The following CHN2 variants were observed in gnomAD, a reference collection of about 807,000 sequenced individuals.
CHN2 encodes chimerin 2.
CHN2 carries 35 observed loss-of-function variants against 56.3 expected under a neutral mutation model. The observed-to-expected ratio is 0.62, with a 90% CI of 0.47 to 0.82. CHN2 has a LOEUF of 0.82. CHN2 is among the 40% of genes least tolerant of loss of function. CHN2 has a pLI of 0.00. For missense variants in CHN2, 491 were observed against 580.5 expected (o/e 0.85, Z 1.58); for synonymous variants, 210 against 212.8 (o/e 0.99, Z 0.12).
At chr7:29,253,276 G>T (rs1156764980) in intron 1 of CHN2, among the ~76,000 whole-genome samples, 1 of 152,210 alleles carries the variant, frequency 6.6e-6, no homozygotes, top group Admixed American at 6.5e-5. Context: ...ATTCATCCAT[G>T]CTGCCTGAAG....
intron 1 of CHN2, among the ~76,000 whole-genome samples, chr7:29,241,474 ACAGG>A (rs1389763847): frequency 2.0e-5 from 3 of 151,720 alleles, no homozygotes; most frequent in Admixed American, 2.0e-4. Context: ...CTCCCAGTGC[ACAGG>A]CTGGTTAGAG....
intron 1 of CHN2, among the ~76,000 whole-genome samples, chr7:29,350,563 T>C (rs753253823): frequency 6.6e-6 from 1 of 152,116 alleles, no homozygotes; most frequent in Non-Finnish European, 1.5e-5. Context: ...AATTCTTTTA[T>C]GGGAAAGAAA....
chr7:29,363,755 C>G (rs1798920730), intron 2 of CHN2, among the ~76,000 whole-genome samples: 1 of 152,110 alleles, frequency 6.6e-6, no homozygotes. Flanking sequence ...GAAGGCCTCC[C>G]TGATAAGGTG....
At chr7:29,272,269 A>G (rs1194942120) in intron 1 of CHN2, among the ~76,000 whole-genome samples, 1 of 152,126 alleles carries the variant, frequency 6.6e-6, no homozygotes, top group East Asian at 1.9e-4. Flanking sequence ...CAGTCAGCCT[A>G]CAGAAGTGCA....
At chr7:29,351,129 A>T (rs1797850903) in intron 1 of CHN2, among the ~76,000 whole-genome samples, 1 of 151,558 alleles carries the variant, frequency 6.6e-6, no homozygotes, top group Admixed American at 6.6e-5. Context: ...AAAAAAAAAA[A>T]ATTCCCACAG....
intron 1 of CHN2, among the ~76,000 whole-genome samples, chr7:29,256,896 A>T (rs1420292464): frequency 6.6e-6 from 1 of 152,182 alleles, no homozygotes; most frequent in African/African-American, 2.4e-5. Context: ...CTGGCTGAAA[A>T]TTCCTTTTGT....
chr7:29,208,846 C>G (rs1334874857), intron 1 of CHN2: 1 of 152,314 alleles, frequency 6.6e-6, no homozygotes, highest in Non-Finnish European at 1.5e-5. Flanking sequence ...CTGGCTCTGT[C>G]TCCTTCTCTT....
intron 1 of CHN2, among the ~76,000 whole-genome samples, chr7:29,283,545 G>T (rs1008807825): frequency 6.6e-6 from 1 of 152,088 alleles, no homozygotes; most frequent in Non-Finnish European, 1.5e-5. Flanking sequence ...AGTTGATTTT[G>T]GGTTAATCAA....
chr7:29,292,879 TACAATA>T, intron 1 of CHN2: 1 of 456,248 alleles, frequency 2.2e-6, no homozygotes, highest in Non-Finnish European at 4.4e-6. Context: ...TGTCACGGAT[TACAATA>T]ACCTCTTAAC....
intron 1 of CHN2, among the ~76,000 whole-genome samples, chr7:29,243,467 G>A (rs1787841641): frequency 6.6e-6 from 1 of 152,064 alleles, no homozygotes; most frequent in Admixed American, 6.6e-5. Flanking sequence ...AAGTCCTTTG[G>A]GGAAATGAAT....
chr7:29,158,958 C>A (rs914036448), intron 2 of CHN2, among the ~76,000 whole-genome samples: 4 of 152,166 alleles, frequency 2.6e-5, no homozygotes, highest in Admixed American at 1.3e-4. Context: ...AAATAAGATA[C>A]CCTGCGGCAA....
At chr7:29,499,117 C>T (rs1374189176) in intron 8 of CHN2, among the ~76,000 whole-genome samples, 1 of 152,180 alleles carries the variant, frequency 6.6e-6, no homozygotes, top group Non-Finnish European at 1.5e-5. Context: ...TGCTAACAGG[C>T]TCTTCGTGTT....
chr7:29,154,041 G>A (rs1686521405), intron 2 of CHN2, among the ~76,000 whole-genome samples: 1 of 152,204 alleles, frequency 6.6e-6, no homozygotes, highest in South Asian at 2.1e-4. Flanking sequence ...AAAGTTATAT[G>A]TGCATTTTTG....
chr7:29,403,286 G>C (rs1456799446), intron 6 of CHN2, among the ~76,000 whole-genome samples: 1 of 147,550 alleles, frequency 6.8e-6, no homozygotes, highest in Non-Finnish European at 1.5e-5. Flanking sequence ...CTAGAAAAGA[G>C]GGACTGGAAA....
intron 1 of CHN2, among the ~76,000 whole-genome samples, chr7:29,270,918 C>A (rs977857770): frequency 6.6e-6 from 1 of 151,804 alleles, no homozygotes; most frequent in Non-Finnish European, 1.5e-5. Flanking sequence ...ATTTATAATT[C>A]TCATATTTTC....
At chr7:29,271,481 T>C (rs1344456411) in intron 1 of CHN2, among the ~76,000 whole-genome samples, 3 of 152,232 alleles carry the variant, frequency 2.0e-5, no homozygotes, top group Admixed American at 2.0e-4. Flanking sequence ...GGTGTCTGTT[T>C]GGCTGGGTGC....
intron 6 of CHN2, among the ~76,000 whole-genome samples, chr7:29,434,462 G>C (rs569508649): frequency 6.6e-6 from 1 of 151,964 alleles, no homozygotes; most frequent in Non-Finnish European, 1.5e-5. Flanking sequence ...GAAGGCTCTA[G>C]GGGAGGATCT....
chr7:29,424,146 G>A (rs572852465), intron 6 of CHN2, among the ~76,000 whole-genome samples: 82 of 152,330 alleles, frequency 5.4e-4, no homozygotes, highest in African/African-American at 1.5e-3. Flanking sequence ...AAGTCCTAAA[G>A]AAGAAGTTAT....
intron 3 of CHN2, among the ~76,000 whole-genome samples, chr7:29,377,794 T>C (rs974106667): frequency 5.3e-5 from 8 of 152,250 alleles, no homozygotes; most frequent in African/African-American, 1.4e-4. Context: ...AAGTACACCA[T>C]GTCTCTGTCT....
Sources: gnomAD v4.1 joint callset for allele counts (sites outside exome capture counted in the v4.1 genomes callset) on GRCh38, gnomAD v4.1.1 for gene constraint, MANE v1.5 for transcripts, NCBI Gene and HGNC (gene_info 2026-07-23, HGNC 2026-07-21) for gene names.